PCLO: variants seen among roughly 807,000 people sequenced by gnomAD.
PCLO encodes piccolo presynaptic cytomatrix protein.
PCLO carries 82 observed loss-of-function variants against 427.5 expected under a neutral mutation model. That is an observed-to-expected ratio of 0.19 (90% confidence interval 0.16 to 0.23). The LOEUF is 0.23. PCLO is among the 10% of genes least tolerant of loss of function. PCLO has a pLI of 1.00. For missense variants in PCLO, 6,239 were observed against 6,115.9 expected (o/e 1.02, Z -0.67); for synonymous variants, 2,357 against 2,155.4 (o/e 1.09, Z -2.59).
intron 10 of PCLO, among the ~76,000 whole-genome samples, chr7:82,875,922 A>C (rs1214640543): frequency 6.6e-6 from 1 of 152,136 alleles, no homozygotes; most frequent in African/African-American, 2.4e-5. Flanking sequence ...ACAGCTTTGT[A>C]GATTAGGGTA....
rs1168672597 is a variant in PCLO at position 82,950,944 on chromosome 7, T to C, written c.9644A>G (p.Asp3215Gly). ...CAGTTCCAGGAGCTCACGCTCCAAG[T>C]CTAGCTGCTGCTGTTGTTTATCTTC... ...PEEDKQQQQL[D>G]LERELLELEK... is the part of the protein sequence containing the mutation. Residue 3215 changes from aspartate to glycine, a missense_variant, in exon 6 of 25, where the codon GAC (aspartate) becomes GGC (glycine). Coordinates refer to ENST00000333891, the MANE Select transcript of PCLO (RefSeq NM_033026.6). 6.2e-7 allele frequency: 1 copy of C among 1,613,516 alleles called. No homozygotes were observed. Among genetic ancestry groups the C allele is most frequent in the Admixed American group, 1.7e-5 (1 of 60,020 alleles).
In PCLO at chr7:82,915,163, G is replaced by A. The variant is rs1271467139; in HGVS notation, c.12823C>T (p.Leu4275=). 6.9e-6 allele frequency: 11 copies of A among 1,598,130 alleles called. No individual in the cohort carries two copies. The highest frequency in any genetic ancestry group is 1.3e-5 in the African/African-American group (1 of 74,636). ...GTLGNTIRSA[L]QDEADKPYSS... ...TATGGCTTATCCGCTTCATCCTGCA[G>A]AGCTGAGCGTATGGTATTTCCTAAT... The change falls in exon 7 of 25, where the codon CTG becomes TTG. Residue 4275 remains leucine (L), a synonymous_variant. Coordinates refer to ENST00000333891, the MANE Select transcript of PCLO (RefSeq NM_033026.6).
rs537983547 is a variant in PCLO, at chr7:83,066,822, G to A, written c.3300+67428C>T. The stretch of plus-strand genomic sequence containing the variant: ...GGGCCTTAGACATAAAATGTGAGAT[G>A]GAGCGCTGTTCTTCACATATGAGAT... On this transcript the variant is annotated intron_variant, in intron 3 of 24. Transcript: ENST00000333891. Among the ~76,000 whole-genome samples the A allele has an allele frequency of 5.3e-5, 8 of 152,262 alleles. No homozygotes were observed. In the East Asian group the frequency reaches 1.5e-3, roughly 29 times the overall value.
intron 3 of PCLO, among the ~76,000 whole-genome samples, chr7:83,116,646 CTT>C (rs986998065): frequency 1.1e-4 from 17 of 152,088 alleles, no homozygotes; most frequent in African/African-American, 4.1e-4. Context: ...GGTGAGAACA[CTT>C]TTATACATCC....
At chr7:83,090,087 G>A (rs951759319) in intron 3 of PCLO, among the ~76,000 whole-genome samples, 7 of 152,078 alleles carry the variant, frequency 4.6e-5, no homozygotes, top group Non-Finnish European at 7.4e-5. Flanking sequence ...GACGGATCAC[G>A]AGGTCAAGAG....
At chr7:82,942,364 C>A (rs532723790) in intron 6 of PCLO, among the ~76,000 whole-genome samples, 1 of 152,046 alleles carries the variant, frequency 6.6e-6, no homozygotes, top group Non-Finnish European at 1.5e-5. Flanking sequence ...AGTCTTTCAA[C>A]GAACAATAAG....
chr7:83,122,368 C>T (rs1300962320), intron 3 of PCLO, among the ~76,000 whole-genome samples: 2 of 150,722 alleles, frequency 1.3e-5, no homozygotes, highest in Non-Finnish European at 2.9e-5. Flanking sequence ...TCACTGCAAC[C>T]TCTGACTCCC....
intron 3 of PCLO, among the ~76,000 whole-genome samples, chr7:83,051,820 G>GA (rs1789261604): frequency 6.6e-6 from 1 of 151,970 alleles, no homozygotes; most frequent in Admixed American, 6.6e-5. Flanking sequence ...AAAGCTACAG[G>GA]AAAAAAGACA....
rs1791693308 is a variant in PCLO, at chr7:83,135,260, T to C, written c.2290A>G (p.Thr764Ala). 7 of 1,613,868 alleles carry C rather than the reference T, an allele frequency of 4.3e-6. No homozygotes were observed. The highest frequency in any genetic ancestry group is 5.9e-6 in the Non-Finnish European group (7 of 1,179,864). Residue 764 changes from threonine to alanine, a missense_variant, in exon 3 of 25, where the codon ACT becomes GCT. By Grantham distance (58) the Thr-to-Ala change is moderately conservative. Transcript: ENST00000333891. ...GCTGATGATGAAGATACAAGGTCAG[T>C]GGTTGGCTTTACCATCTTGGGCTGC... is the stretch of plus-strand genomic sequence containing the variant. ...PKQPKMVKPT[T>A]DLVSSSSATT...
chr7:82,848,407 T>C (rs941786542), intron 10 of PCLO, among the ~76,000 whole-genome samples: 1 of 145,116 alleles, frequency 6.9e-6, no homozygotes, highest in African/African-American at 2.5e-5. Context: ...GCCTTCCAGG[T>C]TCAAGCAATT....
At chr7:82,875,164 C>T (rs1793339608) in intron 10 of PCLO, among the ~76,000 whole-genome samples, 1 of 152,052 alleles carries the variant, frequency 6.6e-6, no homozygotes, top group African/African-American at 2.4e-5. Flanking sequence ...ATATTATAAT[C>T]CTTCAAGTAC....
chr7:82,999,310 ATATATGGATATG>A (rs1433090024), intron 3 of PCLO, among the ~76,000 whole-genome samples: 1 of 141,122 alleles, frequency 7.1e-6, no homozygotes, highest in Non-Finnish European at 1.5e-5. Context: ...TATATTAAAT[ATATATGGATATG>A]TAATAAATAT....
chr7:82,845,625 T>C, intron 12 of PCLO, 140 bp from the exon 13 acceptor site: 1 of 625,872 alleles, frequency 1.6e-6, no homozygotes, highest in Non-Finnish European at 2.8e-6. Context: ...TTAACTCTAT[T>C]GTACTTTTAT....
intron 3 of PCLO, among the ~76,000 whole-genome samples, chr7:83,067,924 A>G (rs538699734): frequency 5.0e-4 from 7 of 14,120 alleles, no homozygotes; most frequent in African/African-American, 1.1e-3. Flanking sequence ...CTTTCTGTGC[A>G]TATCTGAAAC....
chr7:82,819,815 A>G (rs190491440), intron 20 of PCLO, among the ~76,000 whole-genome samples: 37 of 152,306 alleles, frequency 2.4e-4, no homozygotes, highest in Admixed American at 1.4e-3. Flanking sequence ...AAAGAACGCA[A>G]TAGGAAAGTA....
At chr7:82,770,051 A>G (rs894536230) in intron 22 of PCLO, among the ~76,000 whole-genome samples, 1 of 152,106 alleles carries the variant, frequency 6.6e-6, no homozygotes, top group Non-Finnish European at 1.5e-5. Flanking sequence ...TAGCCAAAGT[A>G]GTGATGTATA....
intron 20 of PCLO, among the ~76,000 whole-genome samples, 166 bp from the exon 21 acceptor site, chr7:82,805,995 G>C (rs1791450475): frequency 6.6e-6 from 1 of 152,066 alleles, no homozygotes; most frequent in African/African-American, 2.4e-5. Flanking sequence ...GATAATGAAT[G>C]GTGGCAACAA....
intron 10 of PCLO, among the ~76,000 whole-genome samples, chr7:82,847,495 T>A (rs1792534577): frequency 6.6e-6 from 1 of 152,114 alleles, no homozygotes; most frequent in Non-Finnish European, 1.5e-5. Context: ...CTGTGTAATA[T>A]TATCAAACGC....
intron 3 of PCLO, among the ~76,000 whole-genome samples, chr7:83,127,270 AT>A (rs1482029498): frequency 1.3e-5 from 2 of 152,144 alleles, no homozygotes; most frequent in African/African-American, 4.8e-5. Flanking sequence ...GTGAAAAAAA[AT>A]CAATGAAAAT....
Sources: allele counts gnomAD v4.1 joint callset (sites outside exome capture counted in the v4.1 genomes callset), GRCh38; gene constraint gnomAD v4.1.1; transcripts MANE v1.5; gene names NCBI Gene and HGNC (gene_info 2026-07-23, HGNC 2026-07-21).